The following AP2B1 variants were observed in gnomAD, a reference collection of about 807,000 sequenced individuals.
AP2B1 encodes the protein AP-2 complex subunit beta.
Under a neutral mutation model 102.0 loss-of-function variants are expected in AP2B1, and 23 were observed. The observed-to-expected ratio is 0.23, with a 90% CI of 0.16 to 0.32. The LOEUF (loss-of-function observed/expected upper bound fraction) is 0.32, where lower values mean the gene tolerates loss of function less well. Ranked by LOEUF, AP2B1 falls within the 10% of genes least tolerant of loss-of-function variation. AP2B1 has a pLI of 1.00. For missense variants in AP2B1, 541 were observed against 1,157.4 expected, an observed-to-expected ratio of 0.47 and a Z score of 7.73; for synonymous variants, 381 against 421.2, an observed-to-expected ratio of 0.90 and a Z score of 1.17.
At chr17:35,599,741 T>TA (rs1326891116) in intron 3 of AP2B1, among the ~76,000 whole-genome samples, 6 of 150,746 alleles carry the variant, frequency 4.0e-5, no homozygotes, top group East Asian at 3.9e-4. Context: ...CTGTCTCTAC[T>TA]AAAAAAAAAT....
At chr17:35,606,867 A>G (rs764728276) in intron 4 of AP2B1, among the ~76,000 whole-genome samples, 24 of 152,006 alleles carry the variant, frequency 1.6e-4, no homozygotes, top group Non-Finnish European at 2.6e-4. Context: ...CTTTCCTATC[A>G]TAGATTTAAA....
chr17:35,604,420 G>T (rs541590204), intron 3 of AP2B1, among the ~76,000 whole-genome samples: 85 of 151,154 alleles, frequency 5.6e-4, no homozygotes, highest in African/African-American at 2.0e-3. Flanking sequence ...TTTTGTTTTT[G>T]TTTTTGTGTG....
intron 3 of AP2B1, among the ~76,000 whole-genome samples, chr17:35,599,628 G>A (rs974211719): frequency 6.6e-6 from 1 of 152,206 alleles, no homozygotes; most frequent in Non-Finnish European, 1.5e-5. Flanking sequence ...TGGAGGCCAG[G>A]CGTGGTGGCT....
chr17:35,712,681 C>T (rs1203184978), intron 20 of AP2B1, among the ~76,000 whole-genome samples: 1 of 151,980 alleles, frequency 6.6e-6, no homozygotes, highest in African/African-American at 2.4e-5. Flanking sequence ...TTTTGTTATC[C>T]ATGAAAGTTG....
chr17:35,608,040 A>G (rs902816926), intron 4 of AP2B1, 102 bp from the exon 5 acceptor site: 5 of 1,388,740 alleles, frequency 3.6e-6, no homozygotes, highest in Non-Finnish European at 5.0e-6. Context: ...TGTATCTGGA[A>G]GCTTAAATTA....
intron 15 of AP2B1, 124 bp downstream of exon 15, chr17:35,671,022 A>T: frequency 1.1e-6 from 1 of 945,244 alleles, no homozygotes; most frequent in Non-Finnish European, 1.7e-6. Flanking sequence ...CCTCTATAAC[A>T]GTATATGGGT....
intron 3 of AP2B1, among the ~76,000 whole-genome samples, chr17:35,598,868 C>CG (rs1175317248): frequency 6.6e-6 from 1 of 152,162 alleles, no homozygotes; most frequent in Non-Finnish European, 1.5e-5. Context: ...AAGACCCTTT[C>CG]GGGGGGTCCG....
At chr17:35,624,616 G>A (rs375404651) in intron 6 of AP2B1, 29 bp downstream of exon 6, 259 of 1,598,194 alleles carry the variant, frequency 1.6e-4, no homozygotes, top group Non-Finnish European at 4.2e-5. Context: ...CTACTTTCTG[G>A]TAGTCTTGCC....
At chr17:35,721,704 A>G (rs1475425153) in intron 21 of AP2B1, among the ~76,000 whole-genome samples, 1 of 152,198 alleles carries the variant, frequency 6.6e-6, no homozygotes, top group Non-Finnish European at 1.5e-5. Context: ...ACTAGTTGTA[A>G]ACATAAAAAT....
intron 18 of AP2B1, among the ~76,000 whole-genome samples, chr17:35,698,664 A>G (rs756028719): frequency 4.6e-5 from 7 of 151,970 alleles, no homozygotes; most frequent in African/African-American, 1.7e-4. Context: ...TACTTTTTCT[A>G]TCCTCCACAA....
intron 9 of AP2B1, among the ~76,000 whole-genome samples, chr17:35,628,176 G>T (rs886794792): frequency 6.6e-6 from 1 of 152,202 alleles, no homozygotes; most frequent in Non-Finnish European, 1.5e-5. Context: ...GTATACAAGA[G>T]AATGTGTATA....
chr17:35,650,897 T>G, intron 13 of AP2B1, 108 bp downstream of exon 13: 1 of 1,324,086 alleles, frequency 7.6e-7, no homozygotes, highest in African/African-American at 1.5e-5. Context: ...CATTTTTGCT[T>G]CTTTATGCTT....
At chr17:35,681,588 C>CT (rs587677591) in intron 17 of AP2B1, among the ~76,000 whole-genome samples, 8 of 150,638 alleles carry the variant, frequency 5.3e-5, no homozygotes, top group Non-Finnish European at 1.0e-4. Context: ...TCTTTTATTA[C>CT]TTTTTTTTTG....
At chr17:35,691,226 A>C (rs1474133159) in intron 18 of AP2B1, among the ~76,000 whole-genome samples, 1 of 152,140 alleles carries the variant, frequency 6.6e-6, no homozygotes, top group South Asian at 2.1e-4. Flanking sequence ...TTCATGTCTT[A>C]AGATCATTGT....
intron 13 of AP2B1, among the ~76,000 whole-genome samples, chr17:35,653,896 T>G (rs1470994218): frequency 6.6e-6 from 1 of 152,178 alleles, no homozygotes; most frequent in Admixed American, 6.5e-5. Context: ...TTTTTCTTAC[T>G]TATCTTAACA....
intron 18 of AP2B1, among the ~76,000 whole-genome samples, chr17:35,697,816 G>T (rs1174304363): frequency 5.3e-5 from 8 of 152,262 alleles, no homozygotes; most frequent in Admixed American, 4.6e-4. Context: ...ACAAAAATTA[G>T]CCGGGTGTAG....
intron 17 of AP2B1, among the ~76,000 whole-genome samples, chr17:35,678,057 A>G (rs2075740175): frequency 6.6e-6 from 1 of 151,998 alleles, no homozygotes; most frequent in Non-Finnish European, 1.5e-5. Context: ...GCAGGGTTTC[A>G]CCATGTTGGC....
At chr17:35,718,306 G>A (rs2085240620) in intron 21 of AP2B1, among the ~76,000 whole-genome samples, 1 of 146,392 alleles carries the variant, frequency 6.8e-6, no homozygotes, top group Non-Finnish European at 1.5e-5. Context: ...TAGTAAGTTG[G>A]AGTAGCTGTG....
intron 10 of AP2B1, among the ~76,000 whole-genome samples, chr17:35,639,031 G>A (rs1166596100): frequency 6.6e-6 from 1 of 152,120 alleles, no homozygotes; most frequent in East Asian, 1.9e-4. Flanking sequence ...TACACCACAG[G>A]TTAATTTTTC....
Sources: gnomAD v4.1 joint callset for allele counts (sites outside exome capture counted in the v4.1 genomes callset) on GRCh38, gnomAD v4.1.1 for gene constraint, MANE v1.5 for transcripts, NCBI Gene and HGNC (gene_info 2026-07-23, HGNC 2026-07-21) for gene names.